Variants in DNAH9 observed in about 807,000 individuals in gnomAD.
DNAH9 encodes the protein DNAH9 variant protein.
Under a neutral mutation model 471.6 loss-of-function variants are expected in DNAH9, and 345 were observed. The ratio of observed to expected loss-of-function variants is 0.73; its 90% CI spans 0.67 to 0.80. DNAH9 has a LOEUF of 0.80. Ranked by LOEUF, DNAH9 falls within the 30% of genes least tolerant of loss-of-function variation. DNAH9 has a pLI of 0.00. For synonymous variants in DNAH9, 2,093 were observed against 2,123.6 expected (o/e 0.99, Z 0.40); for missense variants, 5,407 against 5,609.2 (o/e 0.96, Z 1.15).
chr17:11,943,074 T>G (rs927717877), intron 67 of DNAH9, among the ~76,000 whole-genome samples: 6 of 151,782 alleles, frequency 4.0e-5, no homozygotes, highest in Non-Finnish European at 5.9e-5. Context: ...TTTTGTATTT[T>G]TAGGAGAGAT....
At chr17:11,820,351 C>A (rs1970264649) in intron 45 of DNAH9, among the ~76,000 whole-genome samples, 1 of 151,904 alleles carries the variant, frequency 6.6e-6, no homozygotes, top group African/African-American at 2.4e-5. Flanking sequence ...TTTACTTTCA[C>A]ATATTGTCTC....
chr17:11,902,340 C>G (rs946526858), intron 59 of DNAH9, among the ~76,000 whole-genome samples: 1 of 152,106 alleles, frequency 6.6e-6, no homozygotes, highest in Non-Finnish European at 1.5e-5. Flanking sequence ...GGTTTGGTGG[C>G]AGAGTGAGTT....
chr17:11,784,642 C>G, intron 41 of DNAH9, 103 bp downstream of exon 41: 1 of 1,504,104 alleles, frequency 6.6e-7, no homozygotes. Flanking sequence ...TAGGCACAGG[C>G]AAAGCCACTG....
chr17:11,785,903 G>C (rs1240734088), intron 41 of DNAH9, among the ~76,000 whole-genome samples: 1 of 152,186 alleles, frequency 6.6e-6, no homozygotes, highest in African/African-American at 2.4e-5. Context: ...TCAGCTCTGA[G>C]CCTATAAAGC....
chr17:11,863,978 G>A (rs1971950955), intron 50 of DNAH9, among the ~76,000 whole-genome samples: 1 of 151,516 alleles, frequency 6.6e-6, no homozygotes, highest in Non-Finnish European at 1.5e-5. Flanking sequence ...ACCAGCTCCT[G>A]GATTCATTAA....
chr17:11,699,449 A>G (rs2074552911), intron 22 of DNAH9, among the ~76,000 whole-genome samples: 1 of 152,196 alleles, frequency 6.6e-6, no homozygotes, highest in African/African-American at 2.4e-5. Context: ...AGTCCTATCT[A>G]TAGTAGACCA....
Position 11,815,831 on chromosome 17 carries a change from T to C in DNAH9, c.8707+5462T>C, listed in dbSNP as rs9913354. On this transcript the variant is annotated intron_variant, in intron 45 of 68. Coordinates refer to ENST00000262442, the MANE Select transcript of DNAH9 (RefSeq NM_001372.4). ...AAACAAACAAACAAAAACACTGTAA[T>C]TTTTTTATTAGTTCCCAACTGGTTG... Among the ~76,000 whole-genome samples the C allele has an allele frequency of 9.8e-3, 1,490 of 152,196 alleles. 20 individuals carry two copies. The highest frequency in any genetic ancestry group is 0.033 in the African/African-American group (1,376 of 41,526).
rs752472941 is a variant in DNAH9 at position 11,854,413 on chromosome 17, C to G, written c.9918C>G (p.Ile3306Met). The G allele has an allele frequency of 6.2e-7, 1 of 1,612,608 alleles. No homozygotes were observed. The highest frequency in any genetic ancestry group is 8.5e-7 in the Non-Finnish European group (1 of 1,179,090). ...LTAAQEKLAA[I>M]KAKIAHLNEN... ...CTGCCCAGGAGAAGCTGGCTGCCAT[C>G]AAAGCCAAGATCGCTGTGAGTGACC... Residue 3306 changes from isoleucine to methionine, a missense_variant, in exon 50 of 69, where the codon ATC becomes ATG. Around this residue, in one of 3 missense-constraint regions of DNAH9, gnomAD observed 4,636 missense variants for 4,900.3 expected, o/e 0.95. Transcript: ENST00000262442.
intron 67 of DNAH9, among the ~76,000 whole-genome samples, chr17:11,946,589 G>A (rs1451306935): frequency 8.6e-5 from 13 of 150,880 alleles, no homozygotes; most frequent in Admixed American, 2.0e-4. Context: ...GCGTGAACCC[G>A]GGAGGCGGAG....
At position 11,704,190 on chromosome 17, in the gene DNAH9, C is replaced by G; in HGVS notation, c.5152-13C>G. ...ATGATAACAGCTTTACTAGGCAACTCTTGCTGCCACAGGTGGCCCTGACCT... is the reference window on the plus strand; with the variant it reads ...ATGATAACAGCTTTACTAGGCAACTGTTGCTGCCACAGGTGGCCCTGACCT... On this transcript the variant is annotated splice_polypyrimidine_tract_variant and intron_variant, in intron 24 of 68. Coordinates refer to ENST00000262442, the MANE Select transcript of DNAH9 (RefSeq NM_001372.4). The G allele has an allele frequency of 6.2e-7, 1 of 1,613,936 alleles. No homozygotes were observed.
intron 3 of DNAH9, 31 bp from the exon 4 acceptor site, chr17:11,611,619 C>T: frequency 1.2e-6 from 2 of 1,609,278 alleles, no homozygotes; most frequent in Non-Finnish European, 1.7e-6. Flanking sequence ...CTGATGCTTC[C>T]CTGGATTCAC....
At position 11,818,169 on chromosome 17, in the gene DNAH9, G is replaced by A. The variant is rs541726700; in HGVS notation, c.8708-3751G>A. 3.9e-5 allele frequency among the ~76,000 whole-genome samples: 6 copies of A among 152,292 alleles called. No homozygotes were observed. The East Asian group carries it at 7.7e-4, about 20-fold the overall frequency. ...GGATGGGCCGGGCGTGGTGGCTCAC[G>A]CCTATAATCCCAGCACTTTGGGAGG... On this transcript the variant is annotated intron_variant, in intron 45 of 68. Coordinates refer to ENST00000262442, the MANE Select transcript of DNAH9 (RefSeq NM_001372.4).
rs747495456 is a variant in DNAH9, at chr17:11,651,283, G to A, written c.2312G>A (p.Arg771His). The A allele has an allele frequency of 2.1e-5, 34 of 1,613,618 alleles. No homozygotes were observed. Among genetic ancestry groups the A allele is most frequent in the African/African-American group, 2.7e-5 (2 of 74,862 alleles). Residue 771 changes from arginine to histidine, a missense_variant, in exon 13 of 69, where the codon CGC becomes CAC. By Grantham distance (29) the Arg-to-His change is conservative. Coordinates refer to ENST00000262442, the MANE Select transcript of DNAH9 (RefSeq NM_001372.4). ...GAAGAGCTGCAAAATATTGATCTCC[G>A]CCTCAGAGCAGCAGAGGAGACTTTG... is the stretch of plus-strand genomic sequence containing the variant. ...VEEELQNIDL[R>H]LRAAEETLNW...
At chr17:11,709,899 G>A (rs760874571) in intron 26 of DNAH9, among the ~76,000 whole-genome samples, 5 of 152,124 alleles carry the variant, frequency 3.3e-5, no homozygotes, top group Non-Finnish European at 5.9e-5. Flanking sequence ...CCTGCAAGTA[G>A]GTGAAATATA....
intron 61 of DNAH9, among the ~76,000 whole-genome samples, chr17:11,917,178 A>G (rs1192392402): frequency 2.0e-5 from 3 of 151,906 alleles, no homozygotes; most frequent in Non-Finnish European, 4.4e-5. Flanking sequence ...TTTGAGACGG[A>G]GCTTTGCTCT....
At chr17:11,813,614 T>C (rs1969997286) in intron 45 of DNAH9, among the ~76,000 whole-genome samples, 1 of 152,222 alleles carries the variant, frequency 6.6e-6, no homozygotes, top group African/African-American at 2.4e-5. Flanking sequence ...TATAAAGGTA[T>C]AGTGAATGCA....
intron 2 of DNAH9, 121 bp downstream of exon 2, chr17:11,608,446 C>A (rs2072556517): frequency 1.3e-6 from 1 of 780,678 alleles, no homozygotes; most frequent in Non-Finnish European, 2.0e-6. Context: ...TGCACACAAG[C>A]CTACTGTCTG....
intron 67 of DNAH9, among the ~76,000 whole-genome samples, chr17:11,958,674 G>GAT (rs1227448466): frequency 6.6e-6 from 1 of 151,138 alleles, no homozygotes; most frequent in Non-Finnish European, 1.5e-5. Flanking sequence ...CGAGGCAGAA[G>GAT]ATATAAGGGT....
At chr17:11,828,792 A>G (rs1970589962) in intron 48 of DNAH9, among the ~76,000 whole-genome samples, 1 of 152,178 alleles carries the variant, frequency 6.6e-6, no homozygotes, top group Non-Finnish European at 1.5e-5. Context: ...AGCCCTTTCT[A>G]AACTCTGAGC....
Sources: gnomAD v4.1 joint callset for allele counts (sites outside exome capture counted in the v4.1 genomes callset) on GRCh38, gnomAD v4.1.1 for gene constraint, gnomAD v4.1.1 regional missense constraint, MANE v1.5 for transcripts, NCBI Gene and HGNC (gene_info 2026-07-23, HGNC 2026-07-21) for gene names.